STX8: variants seen among roughly 807,000 people sequenced by gnomAD.
The protein encoded by STX8 is syntaxin-8.
Under a neutral mutation model 37.5 loss-of-function variants are expected in STX8, and 23 were observed. That is an observed-to-expected ratio of 0.61 (90% CI 0.44 to 0.87). The LOEUF (loss-of-function observed/expected upper bound fraction) is 0.87. Among genes scored for constraint, STX8 ranks in the 40% least tolerant of loss-of-function variants. STX8 has a pLI of 0.00. For synonymous variants in STX8, 115 were observed against 99.1 expected, an observed-to-expected ratio of 1.16 and a Z score of -0.95; for missense variants, 313 against 284.7, an observed-to-expected ratio of 1.10 and a Z score of -0.71.
chr17:9,389,840 A>T (rs1912149623), intron 6 of STX8, among the ~76,000 whole-genome samples: 1 of 152,170 alleles, frequency 6.6e-6, no homozygotes. Context: ...CCTATAATTG[A>T]TATCATACTC....
At chr17:9,396,578 C>T (rs1399086342) in intron 6 of STX8, among the ~76,000 whole-genome samples, 1 of 151,848 alleles carries the variant, frequency 6.6e-6, no homozygotes, top group East Asian at 1.9e-4. Context: ...GGCATGGTGG[C>T]GAGTGCCTGT....
chr17:9,405,565 T>C (rs1912772205), intron 6 of STX8, among the ~76,000 whole-genome samples: 2 of 152,318 alleles, frequency 1.3e-5, no homozygotes, highest in South Asian at 4.1e-4. Context: ...GCAGTCCTGA[T>C]CATAAGCCCA....
intron 6 of STX8, among the ~76,000 whole-genome samples, chr17:9,420,460 G>A (rs1416993828): frequency 6.6e-6 from 1 of 151,886 alleles, no homozygotes; most frequent in Non-Finnish European, 1.5e-5. Context: ...CTTCTCCAGG[G>A]AGGACCCTCG....
intron 6 of STX8, among the ~76,000 whole-genome samples, chr17:9,415,205 C>A (rs1204913969): frequency 1.3e-5 from 2 of 152,116 alleles, no homozygotes; most frequent in African/African-American, 2.4e-5. Context: ...ATCTTCAAAC[C>A]TCTTTTCCTT....
intron 7 of STX8, among the ~76,000 whole-genome samples, chr17:9,322,476 C>T (rs879897794): frequency 2.0e-4 from 31 of 152,270 alleles, no homozygotes; most frequent in Middle Eastern, 3.4e-3. Context: ...GAGGACCAAG[C>T]CCAGCAGGGG....
At chr17:9,546,022 A>G (rs1395841859) in intron 3 of STX8, among the ~76,000 whole-genome samples, 1 of 151,932 alleles carries the variant, frequency 6.6e-6, no homozygotes, top group Non-Finnish European at 1.5e-5. Flanking sequence ...CTGTTTAAAA[A>G]AGTGGGGGCG....
chr17:9,468,707 C>T (rs1905719661), intron 6 of STX8, among the ~76,000 whole-genome samples: 1 of 152,194 alleles, frequency 6.6e-6, no homozygotes, highest in South Asian at 2.1e-4. Context: ...CATAGAGCTG[C>T]CCTGCCCAAG....
intron 7 of STX8, among the ~76,000 whole-genome samples, chr17:9,341,289 C>T (rs1294158473): frequency 1.3e-5 from 2 of 152,144 alleles, no homozygotes; most frequent in African/African-American, 4.8e-5. Flanking sequence ...CCTTTCTATG[C>T]CCGCCTGGCC....
Position 9,254,688 on chromosome 17 carries a change from G to A in STX8, c.644-4043C>T, listed in dbSNP as rs75376647. The stretch of plus-strand genomic sequence containing the variant: ...TGGGATTACAGGCGTGAGCCACCGC[G>A]CCCGGCCTTGAATCATTATTTAGGT... On this transcript the variant is annotated intron_variant, in intron 7 of 7. Coordinates refer to ENST00000306357, the MANE Select transcript of STX8 (RefSeq NM_004853.3). Among the ~76,000 whole-genome samples the A allele has an allele frequency of 1.7e-3, 262 of 152,174 alleles. 2 individuals are homozygous for A. Among genetic ancestry groups the A allele is most frequent in the African/African-American group, 5.8e-3 (239 of 41,516 alleles).
At chr17:9,568,102 T>C (rs1907530509) in intron 2 of STX8, among the ~76,000 whole-genome samples, 1 of 152,344 alleles carries the variant, frequency 6.6e-6, no homozygotes, top group East Asian at 1.9e-4. Flanking sequence ...AGATTTATTA[T>C]CTGTAGGAAG....
In STX8 at chr17:9,376,560, C is replaced by T. The variant is rs532322137; in HGVS notation, c.643+1992G>A. On this transcript the variant is annotated intron_variant, in intron 7 of 7. Coordinates refer to ENST00000306357, the MANE Select transcript of STX8 (RefSeq NM_004853.3). ...GCCACCTGAGGCAGCAACCCTGACC[C>T]GCTCGGGTCCCCTTACATGCTGTGG... Among the ~76,000 whole-genome samples the T allele has an allele frequency of 2.0e-4, 31 of 152,334 alleles. No individual in the cohort carries two copies. In the South Asian group the frequency reaches 3.7e-3, roughly 18 times the overall value.
chr17:9,516,309 A>G (rs1280708121), intron 4 of STX8, among the ~76,000 whole-genome samples: 1 of 88,322 alleles, frequency 1.1e-5, no homozygotes, highest in Admixed American at 9.6e-5. Flanking sequence ...ATATATATAT[A>G]TATATATATA....
chr17:9,522,550 A>C (rs977609490), intron 4 of STX8, among the ~76,000 whole-genome samples: 20 of 151,558 alleles, frequency 1.3e-4, no homozygotes, highest in South Asian at 6.3e-4. Context: ...CCAAAAAAAA[A>C]AAAAAAAAAA....
chr17:9,408,247 A>G (rs1212480885), intron 6 of STX8, among the ~76,000 whole-genome samples: 2 of 152,178 alleles, frequency 1.3e-5, no homozygotes. Flanking sequence ...GAATGGAGGA[A>G]ACAGCGCTTT....
At chr17:9,257,452 C>A (rs1354043289) in intron 7 of STX8, among the ~76,000 whole-genome samples, 1 of 152,094 alleles carries the variant, frequency 6.6e-6, no homozygotes, top group East Asian at 1.9e-4. Flanking sequence ...TCAGTGCTTA[C>A]TGACATGGAG....
rs533464086 is a variant in STX8 at position 9,324,657 on chromosome 17, C to T, written c.643+53895G>A. ...GCAGGCACCTGTAATCCCAGCTACT[C>T]GGGAGGCTGAGGCAGGAGAACTGCT... On this transcript the variant is annotated intron_variant, in intron 7 of 7. Transcript: ENST00000306357. Among the ~76,000 whole-genome samples the T allele has an allele frequency of 1.6e-3, 238 of 149,708 alleles. 1 individual carries two copies. Among genetic ancestry groups the T allele is most frequent in the African/African-American group, 5.2e-3 (210 of 40,366 alleles).
intron 7 of STX8, among the ~76,000 whole-genome samples, chr17:9,297,093 T>C (rs1908581353): frequency 1.3e-5 from 2 of 152,092 alleles, no homozygotes; most frequent in South Asian, 4.2e-4. Context: ...TGGAAGCATT[T>C]GGCATGGTGT....
At chr17:9,480,055 C>T (rs1906257564) in intron 6 of STX8, among the ~76,000 whole-genome samples, 1 of 152,188 alleles carries the variant, frequency 6.6e-6, no homozygotes. Context: ...CCAGGAAAGG[C>T]TTTTCTAACC....
intron 7 of STX8, among the ~76,000 whole-genome samples, chr17:9,304,684 G>T (rs1908907877): frequency 6.6e-6 from 1 of 151,798 alleles, no homozygotes; most frequent in Non-Finnish European, 1.5e-5. Flanking sequence ...TCCTCTATCA[G>T]ACTGGCAAAA....
Sources: allele counts gnomAD v4.1 joint callset (sites outside exome capture counted in the v4.1 genomes callset), GRCh38; gene constraint gnomAD v4.1.1; transcripts MANE v1.5; gene names NCBI Gene and HGNC (gene_info 2026-07-23, HGNC 2026-07-21).